The following SNX29 variants were observed in gnomAD, a reference collection of about 807,000 sequenced individuals.
The protein encoded by SNX29 is sorting nexin-29.
SNX29 carries 78 observed loss-of-function variants against 102.1 expected under a neutral mutation model. The observed-to-expected ratio is 0.76, with a 90% confidence interval of 0.64 to 0.92. SNX29 has a LOEUF of 0.92. Among genes scored for constraint, SNX29 ranks in the 40% least tolerant of loss-of-function variants. The pLI, the probability that SNX29 is intolerant of heterozygous loss-of-function variation, is 0.00. For synonymous variants in SNX29, 580 were observed against 414.5 expected (o/e 1.40, Z -4.85); for missense variants, 1,280 against 1,061.7 (o/e 1.21, Z -2.86).
chr16:12,538,503 G>A (rs989522864), intron 20 of SNX29, among the ~76,000 whole-genome samples: 1 of 152,158 alleles, frequency 6.6e-6, no homozygotes. Flanking sequence ...ATGATACTTT[G>A]TTGGTATGTG....
chr16:12,441,785 G>C (rs2085818223), intron 18 of SNX29, among the ~76,000 whole-genome samples: 1 of 152,008 alleles, frequency 6.6e-6, no homozygotes, highest in African/African-American at 2.4e-5. Context: ...GATCCATTTT[G>C]ACTTTTGTTT....
intron 14 of SNX29, among the ~76,000 whole-genome samples, chr16:12,269,252 G>A (rs1006307268): frequency 2.6e-5 from 4 of 152,122 alleles, no homozygotes; most frequent in African/African-American, 7.2e-5. Flanking sequence ...AGTAGACTGC[G>A]GATTTTTCCC....
chr16:12,524,629 G>A (rs1192148438), intron 19 of SNX29, 73 bp from the exon 20 acceptor site: 26 of 1,523,310 alleles, frequency 1.7e-5, no homozygotes, highest in Non-Finnish European at 2.0e-5. Context: ...ATGGGTGATC[G>A]CCTGTTCTAT....
At chr16:12,502,134 G>T (rs996076798) in intron 19 of SNX29, among the ~76,000 whole-genome samples, 1 of 152,198 alleles carries the variant, frequency 6.6e-6, no homozygotes, top group African/African-American at 2.4e-5. Flanking sequence ...GTCCAGATGT[G>T]CGAGACTTGG....
At chr16:12,565,124 T>A (rs1209725646) in intron 20 of SNX29, among the ~76,000 whole-genome samples, 1 of 139,144 alleles carries the variant, frequency 7.2e-6, no homozygotes, top group African/African-American at 2.9e-5. Flanking sequence ...TAGTCTCTTA[T>A]CCACATTAGC....
intron 14 of SNX29, among the ~76,000 whole-genome samples, chr16:12,241,218 G>A (rs1202460011): frequency 6.6e-6 from 1 of 152,146 alleles, no homozygotes; most frequent in Non-Finnish European, 1.5e-5. Flanking sequence ...TGAGTATTGA[G>A]TAAAATTCTT....
chr16:12,540,111 G>T (rs1436357143), intron 20 of SNX29, among the ~76,000 whole-genome samples: 1 of 152,190 alleles, frequency 6.6e-6, no homozygotes, highest in East Asian at 1.9e-4. Context: ...AGGTCATAAA[G>T]ATTTTCTCCT....
At chr16:12,147,214 A>G (rs1429807166) in intron 13 of SNX29, among the ~76,000 whole-genome samples, 1 of 152,208 alleles carries the variant, frequency 6.6e-6, no homozygotes. Context: ...TGCACCAAAC[A>G]CAGACTTGGG....
Position 12,238,424 on chromosome 16 carries a change from C to T in SNX29, c.1678+38741C>T, listed in dbSNP as rs191342961. ...CACTGCAGCCTCCGCCCCCCGAGTTCAAGCGATTCTCCCGCATCAGCCTCC... is the reference window on the plus strand; with the variant it reads ...CACTGCAGCCTCCGCCCCCCGAGTTTAAGCGATTCTCCCGCATCAGCCTCC... On this transcript the variant is annotated intron_variant, in intron 14 of 20. Transcript: ENST00000566228. Among the ~76,000 whole-genome samples, 5 of 152,144 alleles carry T rather than the reference C, an allele frequency of 3.3e-5. No homozygotes were observed. The South Asian group carries it at 1.0e-3, about 32-fold the overall frequency.
chr16:12,311,188 T>G (rs1323592564), intron 15 of SNX29, among the ~76,000 whole-genome samples: 1 of 152,196 alleles, frequency 6.6e-6, no homozygotes, highest in Non-Finnish European at 1.5e-5. Flanking sequence ...AGGGAGTTTT[T>G]TTCTGAACCC....
At chr16:12,494,866 C>A (rs1332186264) in intron 19 of SNX29, among the ~76,000 whole-genome samples, 1 of 152,212 alleles carries the variant, frequency 6.6e-6, no homozygotes, top group Non-Finnish European at 1.5e-5. Flanking sequence ...AGAAAATAAA[C>A]TAGCCCTGCT....
At chr16:12,395,822 TA>T (rs35570704) in intron 16 of SNX29, among the ~76,000 whole-genome samples, 23,274 of 152,242 alleles carry the variant, frequency 0.15, 1,957 homozygotes, top group Middle Eastern at 0.24. Flanking sequence ...ATCAGCTCTC[TA>T]AAGGGCTGCT....
intron 11 of SNX29, among the ~76,000 whole-genome samples, chr16:12,121,944 T>G (rs2053990928): frequency 6.6e-6 from 1 of 152,038 alleles, no homozygotes; most frequent in Non-Finnish European, 1.5e-5. Context: ...ACCTCCCGAG[T>G]ACCCAGGACT....
intron 5 of SNX29, among the ~76,000 whole-genome samples, 156 bp from the exon 6 acceptor site, chr16:12,046,228 C>T (rs548148819): frequency 6.6e-6 from 1 of 152,310 alleles, no homozygotes; most frequent in African/African-American, 2.4e-5. Flanking sequence ...TGTTTGTAAC[C>T]AGAAGCTGTA....
At chr16:12,412,399 A>G (rs1022159032) in intron 18 of SNX29, among the ~76,000 whole-genome samples, 44 of 152,354 alleles carry the variant, frequency 2.9e-4, no homozygotes, top group African/African-American at 9.4e-4. Context: ...ACCTGTTTCC[A>G]TAACATGTTT....
chr16:12,019,494 C>T (rs554977408), intron 3 of SNX29, among the ~76,000 whole-genome samples: 11 of 151,696 alleles, frequency 7.3e-5, no homozygotes, highest in South Asian at 4.2e-4. Flanking sequence ...AGTGAGCCAC[C>T]GCGCCTGGCA....
intron 8 of SNX29, among the ~76,000 whole-genome samples, chr16:12,060,008 CT>C (rs1229236171): frequency 5.3e-5 from 8 of 152,124 alleles, no homozygotes; most frequent in Non-Finnish European, 1.2e-4. Flanking sequence ...TTATGATCTG[CT>C]TTGGTCTTCT....
intron 18 of SNX29, among the ~76,000 whole-genome samples, chr16:12,457,580 G>T (rs978253903): frequency 1.3e-5 from 2 of 152,180 alleles, no homozygotes; most frequent in Non-Finnish European, 2.9e-5. Context: ...AAAGACAAAG[G>T]TTCAAATCAC....
At chr16:12,536,093 C>T (rs139395510) in intron 20 of SNX29, among the ~76,000 whole-genome samples, 1 of 152,142 alleles carries the variant, frequency 6.6e-6, no homozygotes, top group Admixed American at 6.5e-5. Context: ...GATGTTTTGC[C>T]TGGACCAGAG....
Sources: allele counts gnomAD v4.1 joint callset (sites outside exome capture counted in the v4.1 genomes callset), GRCh38; gene constraint gnomAD v4.1.1; transcripts MANE v1.5; gene names NCBI Gene and HGNC (gene_info 2026-07-23, HGNC 2026-07-21).